DSG1: variants seen among roughly 807,000 people sequenced by gnomAD.
DSG1 encodes the protein desmoglein 1.
Under a neutral mutation model 97.5 loss-of-function variants are expected in DSG1, and 39 were observed. The ratio of observed to expected loss-of-function variants is 0.40; its 90% CI spans 0.31 to 0.52. DSG1 has a LOEUF of 0.52. Ranked by LOEUF, DSG1 falls within the 20% of genes least tolerant of loss-of-function variation. The pLI, the probability that DSG1 is intolerant of heterozygous loss-of-function variation, is 0.53. For missense variants in DSG1, 1,311 were observed against 1,295.4 expected (o/e 1.01, Z -0.18); for synonymous variants, 475 against 443.4 (o/e 1.07, Z -0.90).
chr18:31,352,509 G>A (rs1329378504), intron 14 of DSG1, among the ~76,000 whole-genome samples: 39 of 149,914 alleles, frequency 2.6e-4, no homozygotes, highest in South Asian at 1.2e-3. Context: ...GAATCTGAAC[G>A]TTGGCCTGCC....
At position 31,326,926 on chromosome 18, in the gene DSG1, G is replaced by C; in HGVS notation, c.137G>C (p.Arg46Thr). The C allele has an allele frequency of 6.2e-7, 1 of 1,613,844 alleles. No individual in the cohort carries two copies. The highest frequency in any genetic ancestry group is 8.5e-7 in the Non-Finnish European group (1 of 1,179,888). Residue 46 changes from arginine (R) to threonine (T), a missense_variant, in exon 3 of 15, where the codon AGG (arginine) becomes ACG (threonine). This residue lies in a region of DSG1 where 259 missense variants were observed against 304.1 expected (regional missense o/e 0.85). Coordinates refer to ENST00000257192, the MANE Select transcript of DSG1 (RefSeq NM_001942.4). Reference sequence around the variant, plus strand: ...ACCATCAAATGGCATTCAATCCGAAGGCAGAAACGTGAATGGATCAAGTTC... The same window carrying C: ...ACCATCAAATGGCATTCAATCCGAACGCAGAAACGTGAATGGATCAAGTTC... ...NGTIKWHSIR[R>T]QKREWIKFAA...
chr18:31,327,680 A>G (rs1460599), intron 3 of DSG1, among the ~76,000 whole-genome samples: 62,521 of 151,606 alleles, frequency 0.41, 14,071 homozygotes, highest in Non-Finnish European at 0.5. Flanking sequence ...CACCCTTCCC[A>G]TTTTCAGAAT....
chr18:31,348,341 GCCACATTTTCTTAAT>G (rs1264617916), intron 14 of DSG1, among the ~76,000 whole-genome samples: 2 of 151,740 alleles, frequency 1.3e-5, no homozygotes, highest in Non-Finnish European at 2.9e-5. Flanking sequence ...GCGTATATGT[GCCACATTTTCTTAAT>G]CCAGTCTACC....
intron 8 of DSG1, 135 bp from the exon 9 acceptor site, chr18:31,336,219 G>T (rs9963076): frequency 1.3e-5 from 9 of 713,590 alleles, no homozygotes; most frequent in African/African-American, 1.8e-5. Flanking sequence ...ATTTAAGAAT[G>T]GATTGTGTAT....
At chr18:31,320,773 C>A (rs1488537483) in intron 1 of DSG1, among the ~76,000 whole-genome samples, 1 of 152,104 alleles carries the variant, frequency 6.6e-6, no homozygotes, top group Non-Finnish European at 1.5e-5. Context: ...GCTTCTTATG[C>A]ACCAAATAAA....
chr18:31,324,076 T>C (rs11081688), intron 1 of DSG1, among the ~76,000 whole-genome samples: 60,360 of 145,238 alleles, frequency 0.42, 13,458 homozygotes, highest in South Asian at 0.5. Flanking sequence ...CTCCGCCTCC[T>C]GGGTTCCATT....
intron 14 of DSG1, among the ~76,000 whole-genome samples, chr18:31,348,386 G>T (rs889689519): frequency 6.6e-6 from 1 of 151,944 alleles, no homozygotes; most frequent in African/African-American, 2.4e-5. Context: ...CATTTGGGTT[G>T]GTTCCAAGTC....
At chr18:31,334,708 T>C (rs1293632228) in intron 8 of DSG1, among the ~76,000 whole-genome samples, 2 of 152,148 alleles carry the variant, frequency 1.3e-5, no homozygotes, top group Admixed American at 6.6e-5. Flanking sequence ...CATCTCACTG[T>C]GGCTGCTGAT....
At chr18:31,341,140 G>A (rs900205717) in intron 11 of DSG1, among the ~76,000 whole-genome samples, 2 of 152,198 alleles carry the variant, frequency 1.3e-5, no homozygotes, top group Non-Finnish European at 2.9e-5. Context: ...ATTAGAGCAA[G>A]ATAAACCACA....
Position 31,354,323 on chromosome 18 carries a change from T to A in DSG1, c.2127T>A (p.Asp709Glu). The A allele has an allele frequency of 6.2e-7, 1 of 1,614,244 alleles. No homozygotes were observed. Among genetic ancestry groups the A allele is most frequent in the Non-Finnish European group, 8.5e-7 (1 of 1,180,042 alleles). The change falls in exon 15 of 15, where the codon GAT becomes GAA. Residue 709 changes from aspartate to glutamate, a missense_variant. Coordinates refer to ENST00000257192, the MANE Select transcript of DSG1 (RefSeq NM_001942.4). ...CQKAYAYADE[D>E]EGRPSNDCLL... ...AAGCATATGCTTACGCAGATGAAGA[T>A]GAAGGACGCCCATCTAATGACTGTT...
At chr18:31,346,354 A>G (rs564635142) in intron 14 of DSG1, among the ~76,000 whole-genome samples, 156 bp downstream of exon 14, 3 of 152,296 alleles carry the variant, frequency 2.0e-5, no homozygotes, top group African/African-American at 7.2e-5. Flanking sequence ...TTAATGAATT[A>G]TATATCTAAA....
rs745792116 is a variant in DSG1, at chr18:31,346,023, T to C, written c.1925T>C (p.Met642Thr). 1 of 1,613,846 alleles carries C rather than the reference T, an allele frequency of 6.2e-7. No individual in the cohort carries two copies. Residue 642 changes from methionine to threonine, a missense_variant, in exon 14 of 15, where the codon ATG (methionine) becomes ACG (threonine). Coordinates refer to ENST00000257192, the MANE Select transcript of DSG1 (RefSeq NM_001942.4). ...VYTNEYGGRE[M>T]QDLGGGERMT... ...ACAAATGAGTATGGTGGCAGAGAAA[T>C]GCAAGATCTGGGAGGAGGAGAGAGA...
At chr18:31,323,911 G>GC (rs1400323234) in intron 1 of DSG1, among the ~76,000 whole-genome samples, 1 of 148,928 alleles carries the variant, frequency 6.7e-6, no homozygotes, top group African/African-American at 2.5e-5. Context: ...CCATTATAAT[G>GC]CATTATATTT....
intron 10 of DSG1, among the ~76,000 whole-genome samples, chr18:31,339,199 G>T (rs564007224): frequency 6.6e-6 from 1 of 151,880 alleles, no homozygotes; most frequent in South Asian, 2.1e-4. Context: ...AGTAAACCAT[G>T]GTCCATTTGA....
At chr18:31,336,289 G>T in intron 8 of DSG1, 65 bp from the exon 9 acceptor site, 2 of 1,471,288 alleles carry the variant, frequency 1.4e-6, no homozygotes, top group East Asian at 2.3e-5. Flanking sequence ...ATTATCAAAG[G>T]ATTTTCTTTC....
In DSG1 at chr18:31,344,085, T is replaced by C. The variant is rs1296356821; in HGVS notation, c.1891+90T>C. 9 of 999,742 alleles carry C rather than the reference T, an allele frequency of 9.0e-6. No homozygotes were observed. In the East Asian group the frequency reaches 1.0e-4, roughly 11 times the overall value. 61.9% of individuals were successfully genotyped at this position (999,742 alleles called of 1,614,324 possible). A position where few individuals can be genotyped will look rare whatever the true frequency, so the allele number is the denominator to read the frequency against. On this transcript the variant is annotated intron_variant, in intron 13 of 14. Transcript: ENST00000257192. ...ATTATTGTTTTTTAATTATCTTATTTTTCTTCAAAAGTGTTTATATCATTC... is the reference window on the plus strand; with the variant it reads ...ATTATTGTTTTTTAATTATCTTATTCTTCTTCAAAAGTGTTTATATCATTC...
chr18:31,333,860 T>C, intron 7 of DSG1, 137 bp downstream of exon 7: 1 of 1,204,622 alleles, frequency 8.3e-7, no homozygotes, highest in Non-Finnish European at 1.2e-6. Flanking sequence ...TTTTCTTGTG[T>C]TTATGCAAGA....
Position 31,355,555 on chromosome 18 carries a change from A to G in DSG1, c.*209A>G, listed in dbSNP as rs763659983. The G allele has an allele frequency of 1.4e-5, 8 of 589,540 alleles. No individual in the cohort carries two copies. Among genetic ancestry groups the G allele is most frequent in the Non-Finnish European group, 2.1e-5 (7 of 334,452 alleles). The allele number at this position is 589,540 out of a possible 1,614,324, so 36.5% of individuals were successfully genotyped here. A position where few individuals can be genotyped will look rare whatever the true frequency, so the allele number is the denominator to read the frequency against. On this transcript the variant is annotated 3_prime_UTR_variant, in exon 15 of 15. Coordinates refer to ENST00000257192, the MANE Select transcript of DSG1 (RefSeq NM_001942.4). ...TCATAAACTTTTCTCTTATATTAGG[A>G]CTAAGGAACTAAAACTTGAGGCAGA...
intron 11 of DSG1, among the ~76,000 whole-genome samples, chr18:31,342,741 A>G (rs1419176280): frequency 2.6e-5 from 4 of 152,224 alleles, no homozygotes. Flanking sequence ...AAAGGCAAGC[A>G]TATGTTAAAG....
Sources: allele counts gnomAD v4.1 joint callset (sites outside exome capture counted in the v4.1 genomes callset), GRCh38; gene constraint gnomAD v4.1.1; regional missense constraint gnomAD v4.1.1; transcripts MANE v1.5; gene names NCBI Gene and HGNC (gene_info 2026-07-23, HGNC 2026-07-21).